Variants in CFAP69 observed in about 807,000 individuals in gnomAD.
CFAP69 encodes cilia and flagella associated protein 69, also known as cilia- and flagella-associated protein 69.
CFAP69 carries 92 observed loss-of-function variants against 123.0 expected under a neutral mutation model. The observed-to-expected ratio is 0.75, with a 90% CI of 0.63 to 0.89. The LOEUF (loss-of-function observed/expected upper bound fraction) is 0.89. Ranked by LOEUF, CFAP69 falls within the 40% of genes least tolerant of loss-of-function variation. CFAP69 has a pLI of 0.00. For synonymous variants in CFAP69, 380 were observed against 364.3 expected, an observed-to-expected ratio of 1.04 and a Z score of -0.49; for missense variants, 1,067 against 1,096.9, an observed-to-expected ratio of 0.97 and a Z score of 0.39.
rs770490365 is a variant in CFAP69 at position 90,271,593 on chromosome 7, G to A, written c.600G>A (p.Met200Ile). 4.3e-6 allele frequency: 7 copies of A among 1,613,380 alleles called. No individual in the cohort carries two copies. In the East Asian group the frequency reaches 1.6e-4, roughly 36 times the overall value. The change falls in exon 7 of 23, where the codon ATG (methionine) becomes ATA (isoleucine). Residue 200 changes from methionine (M) to isoleucine (I), a missense_variant. Transcript: ENST00000389297. ...AAGTTGGAGGATTAGCAAAAACAAT[G>A]GTCCAGTCAATGACCTTGCTTGAAA... ...MAEVGGLAKT[M>I]VQSMTLLENQ...
intron 14 of CFAP69, 64 bp downstream of exon 14, chr7:90,286,463 G>C (rs1790295258): frequency 6.7e-7 from 1 of 1,500,908 alleles, no homozygotes; most frequent in Non-Finnish European, 9.1e-7. Context: ...AACTATTTTT[G>C]GAAGTCTCTA....
chr7:90,258,641 T>G (rs1383539689), intron 3 of CFAP69, among the ~76,000 whole-genome samples: 1 of 152,220 alleles, frequency 6.6e-6, no homozygotes, highest in East Asian at 1.9e-4. Flanking sequence ...CCCTTTGCTA[T>G]GTAACATAGT....
chr7:90,250,190 GA>G (rs1796810534), intron 1 of CFAP69, among the ~76,000 whole-genome samples: 2 of 8,950 alleles, frequency 2.2e-4, no homozygotes, highest in Non-Finnish European at 4.9e-4. Flanking sequence ...AAAGAGAGGA[GA>G]GAGAGAGAGA....
rs748556015 is a variant in CFAP69, at chr7:90,271,853, C to A, written c.755C>A (p.Pro252His). 8.7e-6 allele frequency: 14 copies of A among 1,606,284 alleles called. No individual in the cohort carries two copies. The Admixed American group carries it at 2.4e-4, about 27-fold the overall frequency. ...GICTHLNDPDPSGQLLFRSSE... is the reference protein window; with the variant it reads ...GICTHLNDPDHSGQLLFRSSE... ...TGTACTCACCTCAATGACCCAGATCCCTCTGGACAGCTTTTATTTCGTTCA... is the reference window on the plus strand; with the variant it reads ...TGTACTCACCTCAATGACCCAGATCACTCTGGACAGCTTTTATTTCGTTCA... The change falls in exon 8 of 23, where the codon CCC (proline) becomes CAC (histidine). Residue 252 changes from proline (P) to histidine (H), a missense_variant. Transcript: ENST00000389297.
chr7:90,255,487 G>GTT lies in CFAP69; in HGVS notation c.180+6_180+7insTT. 6.2e-7 allele frequency: 1 copy of GTT among 1,609,812 alleles called. No individual in the cohort carries two copies. The highest frequency in any genetic ancestry group is 1.1e-5 in the South Asian group (1 of 90,878). On this transcript the variant is annotated splice_donor_region_variant and intron_variant, in intron 2 of 22. Coordinates refer to ENST00000389297, the MANE Select transcript of CFAP69 (RefSeq NM_001039706.3). Reference sequence around the variant, plus strand: ...CTCCTCGAAGAGACTGATAAAGTGAGTAAGCTTTGAGAGAAAATTACTCCG... The same window carrying GTT: ...CTCCTCGAAGAGACTGATAAAGTGAGTTTAAGCTTTGAGAGAAAATTACTCCG...
intron 19 of CFAP69, 43 bp downstream of exon 19, chr7:90,304,863 CA>C: frequency 1.7e-6 from 2 of 1,189,552 alleles, no homozygotes; most frequent in South Asian, 1.3e-5. Flanking sequence ...ATCTAGATAG[CA>C]AAAAATTAAC....
chr7:90,304,888 A>G, intron 19 of CFAP69, 68 bp downstream of exon 19: 2 of 1,075,878 alleles, frequency 1.9e-6, no homozygotes, highest in East Asian at 2.4e-5. Flanking sequence ...AAAATAAAAT[A>G]TCTATTCATG....
At chr7:90,297,524 G>A (rs552183644) in intron 15 of CFAP69, among the ~76,000 whole-genome samples, 2 of 152,184 alleles carry the variant, frequency 1.3e-5, no homozygotes, top group South Asian at 4.1e-4. Flanking sequence ...GAAAGAAATA[G>A]GCAGTTATGG....
At position 90,277,066 on chromosome 7, in the gene CFAP69, A is replaced by T. The variant is rs373922359; in HGVS notation, c.985-7A>T. On this transcript the variant is annotated splice_region_variant and splice_polypyrimidine_tract_variant and intron_variant, in intron 9 of 22. Coordinates refer to ENST00000389297, the MANE Select transcript of CFAP69 (RefSeq NM_001039706.3). ...ATCTTTCTGCTTATTTTATGTATTT[A>T]TATTAGGAATGTGGCTTTACCAAGG... 1 of 1,545,322 alleles carries T rather than the reference A, an allele frequency of 6.5e-7. No homozygotes were observed. The highest frequency in any genetic ancestry group is 8.8e-7 in the Non-Finnish European group (1 of 1,141,856).
chr7:90,304,858 G>C (rs1793333506), intron 19 of CFAP69, 38 bp downstream of exon 19: 1 of 1,237,348 alleles, frequency 8.1e-7, no homozygotes, highest in Non-Finnish European at 1.2e-6. Context: ...TTAAAATCTA[G>C]ATAGCAAAAA....
rs1584263867 is a variant in CFAP69, at chr7:90,245,261, T to A, written c.-164T>A. 4 of 914,020 alleles carry A rather than the reference T, an allele frequency of 4.4e-6. No homozygotes were observed. In the East Asian group the frequency reaches 1.3e-4, roughly 31 times the overall value. 56.6% of individuals were successfully genotyped at this position (914,020 alleles called of 1,614,324 possible). On this transcript the variant is annotated 5_prime_UTR_variant, in exon 1 of 23. An upstream start codon of the reference 5' UTR is lost. Transcript: ENST00000389297. ...CGGCAGCGGCGCTAAGCGGACTGTATGGCGGTGGCCTAGGCCCCTGGCGGA... is the reference window on the plus strand; with the variant it reads ...CGGCAGCGGCGCTAAGCGGACTGTAAGGCGGTGGCCTAGGCCCCTGGCGGA...
the CFAP69 span, chr7:90,317,885 A>T: frequency 3.3e-5 from 5 of 152,192 alleles, no homozygotes; most frequent in African/African-American, 1.2e-4. Flanking sequence ...TTGTAAGGAT[A>T]CTTGAAACCA....
chr7:90,250,187 G>GGAGATAGAGAGAGAGAGAGA (rs1796801044), intron 1 of CFAP69, among the ~76,000 whole-genome samples: 1 of 125,728 alleles, frequency 8.0e-6, no homozygotes, highest in Non-Finnish European at 1.7e-5. Flanking sequence ...TTTAAAGAGA[G>GGAGATAGAGAGAGAGAGAGA]GAGAGAGAGA....
chr7:90,310,033 A>G (rs757064326), intron 22 of CFAP69, 35 bp from the exon 23 acceptor site: 3 of 1,545,524 alleles, frequency 1.9e-6, no homozygotes, highest in Non-Finnish European at 1.8e-6. Context: ...AATTGTGTAA[A>G]TGGACTTTTA....
intron 6 of CFAP69, 113 bp from the exon 7 acceptor site, chr7:90,271,413 T>C (rs1277432276): frequency 1.8e-6 from 2 of 1,137,356 alleles, no homozygotes; most frequent in Non-Finnish European, 2.5e-6. Context: ...TTAAATTCCA[T>C]ATACTTTTAA....
chr7:90,297,443 T>C (rs1792154778), intron 15 of CFAP69, among the ~76,000 whole-genome samples: 1 of 152,186 alleles, frequency 6.6e-6, no homozygotes, highest in South Asian at 2.1e-4. Flanking sequence ...AAAAAAGTTA[T>C]GAGACCAGCC....
chr7:90,263,416 G>T (rs1020739904), intron 4 of CFAP69, among the ~76,000 whole-genome samples: 2 of 152,042 alleles, frequency 1.3e-5, no homozygotes, highest in Admixed American at 6.6e-5. Flanking sequence ...CAAGTAGTAT[G>T]GTTTTCTCAT....
In CFAP69 at chr7:90,258,091, G is replaced by C; in HGVS notation, c.181-7G>C. On this transcript the variant is annotated splice_polypyrimidine_tract_variant and splice_region_variant and intron_variant, in intron 2 of 22. Transcript: ENST00000389297. ...ACAAAAGAACTAAAATAGGTGATCTGTTTTAGGATGGCTTGGAAGAAAAAC... is the reference window on the plus strand; with the variant it reads ...ACAAAAGAACTAAAATAGGTGATCTCTTTTAGGATGGCTTGGAAGAAAAAC... The C allele has an allele frequency of 6.2e-7, 1 of 1,607,742 alleles. No homozygotes were observed. The highest frequency in any genetic ancestry group is 8.5e-7 in the Non-Finnish European group (1 of 1,176,018).
chr7:90,250,828 C>G (rs921329088), intron 1 of CFAP69, among the ~76,000 whole-genome samples: 1 of 152,154 alleles, frequency 6.6e-6, no homozygotes, highest in Non-Finnish European at 1.5e-5. Context: ...ACCTCTTCCT[C>G]CAGCATTCCC....
Sources: gnomAD v4.1 joint callset for allele counts (sites outside exome capture counted in the v4.1 genomes callset) on GRCh38, gnomAD v4.1.1 for gene constraint, MANE v1.5 for transcripts, NCBI Gene and HGNC (gene_info 2026-07-23, HGNC 2026-07-21) for gene names.